Variants in TMEM126B observed in about 807,000 individuals in gnomAD.
TMEM126B encodes the protein transmembrane protein 126B.
In TMEM126B, 19 loss-of-function variants were observed where a neutral mutation model predicts 16.5. The ratio of observed to expected loss-of-function variants is 1.15; its 90% CI spans 0.80 to 1.69. The LOEUF (loss-of-function observed/expected upper bound fraction) is 1.69. Among genes scored for constraint, TMEM126B ranks in the 40% most tolerant of loss-of-function variants. The pLI is 0.00. For synonymous variants in TMEM126B, 104 were observed against 93.2 expected, an observed-to-expected ratio of 1.12 and a Z score of -0.67; for missense variants, 293 against 278.7, an observed-to-expected ratio of 1.05 and a Z score of -0.37.
intron 1 of TMEM126B, chr11:85,631,245 GC>G: frequency 7.8e-7 from 1 of 1,287,726 alleles, no homozygotes; most frequent in East Asian, 5.6e-5. Context: ...CACCTGAAGA[GC>G]TAGGAGGACA....
At position 85,636,244 on chromosome 11, in the gene TMEM126B, G is replaced by A. The variant is rs1038822463; in HGVS notation, c.*15G>A. On this transcript the variant is annotated 3_prime_UTR_variant, in exon 5 of 5. Coordinates refer to ENST00000358867, the MANE Select transcript of TMEM126B (RefSeq NM_018480.7). ...ATGAAGAGTAACCAAAAAAATGAAT[G>A]GTTGCTAACTTAGCAAAATGAAGTT... 1.4e-6 allele frequency: 2 copies of A among 1,440,832 alleles called. No individual in the cohort carries two copies. Among genetic ancestry groups the A allele is most frequent in the Non-Finnish European group, 1.8e-6 (2 of 1,092,734 alleles). The allele number at this position is 1,440,832 out of a possible 1,614,324, so 89.3% of individuals were successfully genotyped here.
chr11:85,632,347 G>T (rs923133559), intron 2 of TMEM126B, among the ~76,000 whole-genome samples: 4 of 152,146 alleles, frequency 2.6e-5, no homozygotes, highest in Non-Finnish European at 1.5e-5. Flanking sequence ...AGGTTCAAGT[G>T]ATTCTCCTGC....
chr11:85,635,826 T>A, intron 4 of TMEM126B, 48 bp downstream of exon 4: 1 of 1,302,956 alleles, frequency 7.7e-7, no homozygotes. Context: ...CTTTTCTTTT[T>A]TTTTTTTTTT....
intron 2 of TMEM126B, among the ~76,000 whole-genome samples, chr11:85,633,023 T>G (rs947763604): frequency 2.0e-5 from 3 of 151,030 alleles, no homozygotes; most frequent in East Asian, 3.9e-4. Context: ...TCATTGTTCA[T>G]TTCCCACCTA....
At chr11:85,635,824 T>A in intron 4 of TMEM126B, 46 bp downstream of exon 4, 1 of 1,111,928 alleles carries the variant, frequency 9.0e-7, no homozygotes, top group Non-Finnish European at 1.2e-6. Flanking sequence ...TTCTTTTCTT[T>A]TTTTTTTTTT....
intron 1 of TMEM126B, among the ~76,000 whole-genome samples, chr11:85,629,802 G>GGT (rs2082234709): frequency 6.6e-6 from 1 of 152,246 alleles, no homozygotes; most frequent in East Asian, 1.9e-4. Context: ...TTTCCATTTG[G>GGT]GTGTCAGGGA....
Position 85,628,618 on chromosome 11 carries a change from T to G in TMEM126B, c.11T>G (p.Phe4Cys), listed in dbSNP as rs1193858416. ...ACATGAGCCACCAAAATGGTGGTGTTCGGGTATGAGGCTGGGACTAAGCCA... is the reference window on the plus strand; with the variant it reads ...ACATGAGCCACCAAAATGGTGGTGTGCGGGTATGAGGCTGGGACTAAGCCA... The part of the protein sequence containing the change: MVV[F>C]GYEAGTKPRD... The change falls in exon 1 of 5, where the codon TTC (phenylalanine) becomes TGC (cysteine). Residue 4 changes from phenylalanine to cysteine, a missense_variant. Coordinates refer to ENST00000358867, the MANE Select transcript of TMEM126B (RefSeq NM_018480.7). 6.5e-7 allele frequency: 1 copy of G among 1,536,060 alleles called. No individual in the cohort carries two copies. Among genetic ancestry groups the G allele is most frequent in the African/African-American group, 1.4e-5 (1 of 73,160 alleles).
Position 85,632,596 on chromosome 11 carries a change from ATTATT to A in TMEM126B, c.203+810_203+814del, listed in dbSNP as rs146901763. ...ATGAAGTTTTATAAATCTTGGACAA[ATTATT>A]TTATTTTATTTTATTTTATTTCATT... On this transcript the variant is annotated intron_variant, in intron 2 of 4. Coordinates refer to ENST00000358867, the MANE Select transcript of TMEM126B (RefSeq NM_018480.7). 3.1e-3 allele frequency among the ~76,000 whole-genome samples: 471 copies of A among 151,888 alleles called. 2 individuals carry two copies. Among genetic ancestry groups the A allele is most frequent in the Middle Eastern group, 6.8e-3 (2 of 294 alleles).
chr11:85,630,706 A>T (rs2082279579), intron 1 of TMEM126B, among the ~76,000 whole-genome samples: 1 of 152,108 alleles, frequency 6.6e-6, no homozygotes, highest in Non-Finnish European at 1.5e-5. Flanking sequence ...GTCCCTTGAC[A>T]TTGGCAGCTG....
intron 1 of TMEM126B, among the ~76,000 whole-genome samples, chr11:85,630,442 G>A (rs17208525): frequency 1.3e-5 from 2 of 152,180 alleles, no homozygotes; most frequent in African/African-American, 2.4e-5. Flanking sequence ...AGGAAAAAGA[G>A]TAAAAAGCAC....
Position 85,635,771 on chromosome 11 carries a change from GC to G in TMEM126B, c.503del (p.Ala168GlufsTer16). Reference sequence around the variant, plus strand: ...GGCTTTTACTAAAAATGGACGCCTGGCAACCAAGTAAGTTCTTCCTTTTCCT... The same window carrying G: ...GGCTTTTACTAAAAATGGACGCCTGGAACCAAGTAAGTTCTTCCTTTTCCT... ...SLAFTKNGRLATKYHTVPLPP... is the reference protein window; with the variant it reads ...SLAFTKNGRLXTKYHTVPLPP... On this transcript the variant is annotated frameshift_variant, in exon 4 of 5. Transcript: ENST00000358867. LOFTEE classifies it low-confidence loss of function (END_TRUNC). 2 of 1,577,202 alleles carry G rather than the reference GC, an allele frequency of 1.3e-6. No homozygotes were observed. Among genetic ancestry groups the G allele is most frequent in the Non-Finnish European group, 1.7e-6 (2 of 1,167,038 alleles).
chr11:85,633,015 A>G (rs2082332047), intron 2 of TMEM126B, among the ~76,000 whole-genome samples: 1 of 151,732 alleles, frequency 6.6e-6, no homozygotes, highest in African/African-American at 2.4e-5. Context: ...ATGTGTTCTC[A>G]TTGTTCATTT....
At chr11:85,630,643 T>C (rs2082278312) in intron 1 of TMEM126B, among the ~76,000 whole-genome samples, 1 of 152,234 alleles carries the variant, frequency 6.6e-6, no homozygotes, top group South Asian at 2.1e-4. Flanking sequence ...TGTTTTGTTT[T>C]GTTTTTTAAC....
At chr11:85,629,242 A>G in intron 1 of TMEM126B, 1 of 1,289,314 alleles carries the variant, frequency 7.8e-7, no homozygotes, top group Non-Finnish European at 1.0e-6. Flanking sequence ...TTATGAGCGA[A>G]TGTTGAATAA....
At chr11:85,634,500 T>C (rs80308550) in intron 3 of TMEM126B, 72 of 445,124 alleles carry the variant, frequency 1.6e-4, no homozygotes, top group African/African-American at 8.6e-4. Context: ...AACTGAGGCA[T>C]GTTCAAGTAC....
At position 85,636,031 on chromosome 11, in the gene TMEM126B, C is replaced by T. The variant is rs2082397170; in HGVS notation, c.510-15C>T. The T allele has an allele frequency of 1.3e-6, 2 of 1,550,154 alleles. 1 individual carries two copies. The highest frequency in any genetic ancestry group is 2.5e-5 in the South Asian group (2 of 81,108). On this transcript the variant is annotated splice_polypyrimidine_tract_variant and intron_variant, in intron 4 of 4. Transcript: ENST00000358867. ...TCATATCCAGGAGAGGTGATTAACT[C>T]TTTTTTCTTTTTAGGTATCATACCG...
intron 2 of TMEM126B, among the ~76,000 whole-genome samples, chr11:85,632,266 A>G (rs952478144): frequency 2.0e-5 from 3 of 151,960 alleles, no homozygotes; most frequent in Non-Finnish European, 4.4e-5. Context: ...TTTTTGAGAT[A>G]AGAGTCTCAC....
chr11:85,631,041 G>T, intron 1 of TMEM126B: 1 of 809,814 alleles, frequency 1.2e-6, no homozygotes, highest in African/African-American at 1.8e-5. Context: ...CAAAGTAGTA[G>T]CCACAATCCA....
intron 2 of TMEM126B, among the ~76,000 whole-genome samples, chr11:85,633,323 T>C (rs1157010053): frequency 1.3e-5 from 2 of 152,210 alleles, no homozygotes; most frequent in Non-Finnish European, 1.5e-5. Flanking sequence ...TACCCAGTAA[T>C]GGGATGGCTG....
Sources: allele counts gnomAD v4.1 joint callset (sites outside exome capture counted in the v4.1 genomes callset), GRCh38; gene constraint gnomAD v4.1.1; transcripts MANE v1.5; gene names NCBI Gene and HGNC (gene_info 2026-07-23, HGNC 2026-07-21).